The following FUT9 variants were observed in gnomAD, a reference collection of about 807,000 sequenced individuals.
The protein encoded by FUT9 is fucosyltransferase 9.
Under a neutral mutation model 29.7 loss-of-function variants are expected in FUT9, and 15 were observed. That is an observed-to-expected ratio of 0.51 (90% CI 0.34 to 0.78). FUT9 has a LOEUF of 0.78. Ranked by LOEUF, FUT9 falls within the 30% of genes least tolerant of loss-of-function variation. FUT9 has a pLI of 0.01. For missense variants in FUT9, 319 were observed against 425.4 expected (o/e 0.75, Z 2.20); for synonymous variants, 169 against 153.7 (o/e 1.10, Z -0.74).
chr6:96,189,035 A>G (rs1351078971), intron 2 of FUT9, among the ~76,000 whole-genome samples: 1 of 152,126 alleles, frequency 6.6e-6, no homozygotes, highest in Non-Finnish European at 1.5e-5. Context: ...CTGTGCAAAA[A>G]TGACACGTGG....
intron 2 of FUT9, among the ~76,000 whole-genome samples, chr6:96,191,708 G>A (rs1218540207): frequency 1.3e-5 from 2 of 152,066 alleles, no homozygotes; most frequent in Non-Finnish European, 2.9e-5. Flanking sequence ...AGAAAAAGAG[G>A]GAATCCTCCC....
intron 2 of FUT9, among the ~76,000 whole-genome samples, chr6:96,152,901 C>T (rs2127977262): frequency 6.6e-6 from 1 of 152,204 alleles, no homozygotes; most frequent in Non-Finnish European, 1.5e-5. Context: ...GTTTGCATTC[C>T]CACGAACACG....
chr6:96,190,330 G>A (rs1377029851), intron 2 of FUT9, among the ~76,000 whole-genome samples: 1 of 151,992 alleles, frequency 6.6e-6, no homozygotes, highest in African/African-American at 2.4e-5. Flanking sequence ...CTCTCTGGCT[G>A]CCCTTAACAT....
chr6:96,057,369 A>G (rs1197297850), intron 1 of FUT9, among the ~76,000 whole-genome samples: 1 of 152,156 alleles, frequency 6.6e-6, no homozygotes, highest in Non-Finnish European at 1.5e-5. Context: ...AAGTGTGGAA[A>G]ACCAGACAAT....
intron 2 of FUT9, among the ~76,000 whole-genome samples, chr6:96,120,708 A>T (rs1277778800): frequency 3.8e-5 from 2 of 52,976 alleles, no homozygotes; most frequent in East Asian, 1.6e-3. Context: ...AATAACATTA[A>T]GCACATTTTT....
intron 1 of FUT9, among the ~76,000 whole-genome samples, chr6:96,054,864 A>G (rs910783235): frequency 6.6e-6 from 1 of 152,202 alleles, no homozygotes; most frequent in East Asian, 1.9e-4. Flanking sequence ...TTCTTATAAG[A>G]GTGCCTGACA....
Position 96,207,913 on chromosome 6 carries a change from T to G in FUT9, c.*3678T>G, listed in dbSNP as rs1773862410. On this transcript the variant is annotated 3_prime_UTR_variant, in exon 3 of 3. Coordinates refer to ENST00000302103, the MANE Select transcript of FUT9 (RefSeq NM_006581.4). ...TATTACACCCTGAACAAGAAAGACA[T>G]GAGAGCCTGACAGTCATATATATTA... is the stretch of plus-strand genomic sequence containing the variant. 6.0e-6 allele frequency: 1 copy of G among 166,434 alleles called. No individual in the cohort carries two copies. The highest frequency in any genetic ancestry group is 2.4e-5 in the African/African-American group (1 of 41,298). 10.3% of individuals were successfully genotyped at this position (166,434 alleles called of 1,614,324 possible). A position where few individuals can be genotyped will look rare whatever the true frequency, so the allele number is the denominator to read the frequency against.
chr6:96,029,336 C>G (rs928161426), intron 1 of FUT9, among the ~76,000 whole-genome samples: 1 of 151,484 alleles, frequency 6.6e-6, no homozygotes, highest in Non-Finnish European at 1.5e-5. Context: ...TGGACTTCCA[C>G]TAGGTACGTA....
rs908498039 is a variant in FUT9, at chr6:96,209,317, T to C, written c.*5082T>C. 1 of 166,738 alleles carries C rather than the reference T, an allele frequency of 6.0e-6. No individual in the cohort carries two copies. Among genetic ancestry groups the C allele is most frequent in the African/African-American group, 2.4e-5 (1 of 41,424 alleles). The allele number at this position is 166,738 out of a possible 1,614,324, so 10.3% of individuals were successfully genotyped here. On this transcript the variant is annotated 3_prime_UTR_variant, in exon 3 of 3. Transcript: ENST00000302103. ...GTAGATATTTAAAGTATGAAATTGA[T>C]TATTTAAACTAATATGTGGAAAGAA...
chr6:96,169,571 CTT>C (rs1012059482), intron 2 of FUT9, among the ~76,000 whole-genome samples: 1 of 152,036 alleles, frequency 6.6e-6, no homozygotes, highest in African/African-American at 2.4e-5. Flanking sequence ...CAGAATTAGA[CTT>C]ATCTCTCAGG....
chr6:96,159,243 G>A (rs1218253558), intron 2 of FUT9, among the ~76,000 whole-genome samples: 1 of 111,318 alleles, frequency 9.0e-6, no homozygotes, highest in African/African-American at 3.3e-5. Flanking sequence ...GACAGGAGTA[G>A]ATGTGAAGAC....
At chr6:96,035,417 A>C (rs1582183631) in intron 1 of FUT9, among the ~76,000 whole-genome samples, 1 of 151,358 alleles carries the variant, frequency 6.6e-6, no homozygotes, top group African/African-American at 2.4e-5. Flanking sequence ...CACACTCTTC[A>C]TCTCATCTTC....
chr6:96,026,707 G>T (rs1411065060), intron 1 of FUT9, among the ~76,000 whole-genome samples: 1 of 151,728 alleles, frequency 6.6e-6, no homozygotes, highest in East Asian at 1.9e-4. Context: ...GAGCATAATT[G>T]TCATCTTCTC....
chr6:96,127,157 T>C (rs1772148399), intron 2 of FUT9, among the ~76,000 whole-genome samples: 1 of 152,104 alleles, frequency 6.6e-6, no homozygotes, highest in Non-Finnish European at 1.5e-5. Flanking sequence ...GAGTATCCAA[T>C]AGGTAGTTTT....
chr6:96,100,368 A>G (rs1403436008), intron 1 of FUT9, among the ~76,000 whole-genome samples: 2 of 152,190 alleles, frequency 1.3e-5, no homozygotes, highest in East Asian at 1.9e-4. Flanking sequence ...TAATGAGAAA[A>G]CAGAAATTTG....
chr6:96,042,782 A>C (rs549759884), intron 1 of FUT9, among the ~76,000 whole-genome samples: 1 of 152,250 alleles, frequency 6.6e-6, no homozygotes, highest in East Asian at 1.9e-4. Flanking sequence ...AATTCTCACA[A>C]CACCTCTGTG....
chr6:96,125,947 A>C (rs1772125832), intron 2 of FUT9, among the ~76,000 whole-genome samples: 1 of 152,220 alleles, frequency 6.6e-6, no homozygotes. Flanking sequence ...CTAGGGAATT[A>C]AAAACACATG....
intron 2 of FUT9, among the ~76,000 whole-genome samples, chr6:96,114,512 G>A (rs1158569671): frequency 6.6e-6 from 1 of 151,396 alleles, no homozygotes; most frequent in Non-Finnish European, 1.5e-5. Context: ...TTGAATTTTG[G>A]TCAATTTCTT....
At chr6:96,090,211 A>C (rs1771387901) in intron 1 of FUT9, among the ~76,000 whole-genome samples, 1 of 152,134 alleles carries the variant, frequency 6.6e-6, no homozygotes, top group South Asian at 2.1e-4. Flanking sequence ...AGTATCAATA[A>C]ATTTCAAAAA....
Sources: gnomAD v4.1 joint callset for allele counts (sites outside exome capture counted in the v4.1 genomes callset) on GRCh38, gnomAD v4.1.1 for gene constraint, MANE v1.5 for transcripts, NCBI Gene and HGNC (gene_info 2026-07-23, HGNC 2026-07-21) for gene names.